DLGAP2: variants seen among roughly 807,000 people sequenced by gnomAD.
The protein encoded by DLGAP2 is disks large-associated protein 2.
A neutral mutation model predicts 100.3 loss-of-function variants in DLGAP2; 26 were observed. The observed-to-expected ratio is 0.26, with a 90% CI of 0.19 to 0.36. The LOEUF (loss-of-function observed/expected upper bound fraction) is 0.36. Among genes scored for constraint, DLGAP2 ranks in the 10% least tolerant of loss-of-function variants. The pLI is 1.00. For synonymous variants in DLGAP2, 886 were observed against 630.1 expected (o/e 1.41, Z -6.08); for missense variants, 1,858 against 1,453.2 (o/e 1.28, Z -4.53).
At chr8:767,348 GTTT>G (rs35944301) in intron 1 of DLGAP2, among the ~76,000 whole-genome samples, 2 of 117,930 alleles carry the variant, frequency 1.7e-5, no homozygotes, top group East Asian at 2.4e-4. Flanking sequence ...GCTGTTGACT[GTTT>G]TTTTTTTTTT....
At position 1,312,276 on chromosome 8, in the gene DLGAP2, C is replaced by G. The variant is rs556989648; in HGVS notation, c.106+53393C>G. ...AGAGGGAACCCAGGTGACTTTGAGT[C>G]TGGTGATGAGTTTTTAGAGACCGCA... On this transcript the variant is annotated intron_variant, in intron 3 of 14. Coordinates refer to ENST00000637795, the MANE Select transcript of DLGAP2 (RefSeq NM_001346810.2). 1.8e-4 allele frequency among the ~76,000 whole-genome samples: 27 copies of G among 152,298 alleles called. 1 individual carries two copies. Among genetic ancestry groups the G allele is most frequent in the African/African-American group, 6.3e-4 (26 of 41,564 alleles).
chr8:1,373,462 A>T (rs1004311311), intron 3 of DLGAP2, among the ~76,000 whole-genome samples: 4 of 152,060 alleles, frequency 2.6e-5, no homozygotes, highest in Non-Finnish European at 5.9e-5. Context: ...GTCGGCCGAG[A>T]CCCGAATCCG....
At chr8:1,614,963 C>T (rs1797103276) in intron 6 of DLGAP2, among the ~76,000 whole-genome samples, 1 of 152,214 alleles carries the variant, frequency 6.6e-6, no homozygotes, top group African/African-American at 2.4e-5. Context: ...CTCGCGGCTG[C>T]CCATGGTCCT....
At chr8:1,564,784 C>T (rs1368697648) in intron 5 of DLGAP2, among the ~76,000 whole-genome samples, 1 of 152,100 alleles carries the variant, frequency 6.6e-6, no homozygotes, top group Non-Finnish European at 1.5e-5. Context: ...ACCAGGCAGA[C>T]ATATAACAAG....
At chr8:1,485,313 T>A (rs1316448725) in intron 3 of DLGAP2, among the ~76,000 whole-genome samples, 1 of 152,340 alleles carries the variant, frequency 6.6e-6, no homozygotes, top group Non-Finnish European at 1.5e-5. Flanking sequence ...TTTTTTCATA[T>A]CATTTTTCCA....
chr8:1,195,010 G>C (rs12544638), intron 2 of DLGAP2, among the ~76,000 whole-genome samples: 1 of 152,136 alleles, frequency 6.6e-6, no homozygotes, highest in Admixed American at 6.5e-5. Flanking sequence ...CTCGTGCCCT[G>C]CTCTCCTGAG....
intron 1 of DLGAP2, among the ~76,000 whole-genome samples, chr8:901,758 C>T (rs541440431): frequency 6.6e-6 from 1 of 152,210 alleles, no homozygotes; most frequent in Admixed American, 6.5e-5. Context: ...GCTGTGGCAG[C>T]GTCGTTCTCC....
intron 3 of DLGAP2, among the ~76,000 whole-genome samples, chr8:1,330,221 A>C (rs1055809670): frequency 2.7e-5 from 4 of 150,136 alleles, no homozygotes; most frequent in Admixed American, 1.3e-4. Flanking sequence ...GCACTACTTC[A>C]CAGGGACTGA....
At chr8:1,098,674 C>T (rs1804476570) in intron 2 of DLGAP2, among the ~76,000 whole-genome samples, 1 of 129,362 alleles carries the variant, frequency 7.7e-6, no homozygotes, top group African/African-American at 3.0e-5. Context: ...GCCAGGCTCC[C>T]GGCCGCCCAC....
chr8:1,435,436 T>A (rs1275877351), intron 3 of DLGAP2, among the ~76,000 whole-genome samples: 2 of 152,040 alleles, frequency 1.3e-5, no homozygotes, highest in Non-Finnish European at 2.9e-5. Flanking sequence ...ACTCCTACTG[T>A]CCAGTGACCT....
chr8:816,197 A>G lies in DLGAP2; in HGVS notation c.18+78372A>G, dbSNP rs577164599. 2.0e-5 allele frequency among the ~76,000 whole-genome samples: 3 copies of G among 151,482 alleles called. No individual in the cohort carries two copies. The South Asian group carries it at 6.3e-4, about 32-fold the overall frequency. On this transcript the variant is annotated intron_variant, in intron 1 of 14. Transcript: ENST00000637795. ...GTATCTTTTAAGTGGAACATTTAGT[A>G]CATTTACATTCAATGTTAGTATTGA... is the stretch of plus-strand genomic sequence containing the variant.
chr8:1,550,562 C>A (rs1466488708), intron 5 of DLGAP2, among the ~76,000 whole-genome samples: 1 of 152,138 alleles, frequency 6.6e-6, no homozygotes, highest in African/African-American at 2.4e-5. Flanking sequence ...TGAGTTCACT[C>A]CCTGCACCTG....
chr8:1,128,259 G>GGTCAGGACCTGCTCCCGGTGTTGTGTTCC (rs1563206045), intron 2 of DLGAP2, among the ~76,000 whole-genome samples: 258 of 147,940 alleles, frequency 1.7e-3, no homozygotes, highest in African/African-American at 6.3e-3. Flanking sequence ...TGTTGTGTTC[G>GGTCAGGACCTGCTCCCGGTGTTGTGTTCC]GTGAGGACCT....
Position 1,312,820 on chromosome 8 carries a change from A to G in DLGAP2, c.106+53937A>G, listed in dbSNP as rs571176176. ...AGCTGCTTCTTGCAGCAGGGTTTGT[A>G]GGAATGAAAGATGGAAAATGAACGC... On this transcript the variant is annotated intron_variant, in intron 3 of 14. Coordinates refer to ENST00000637795, the MANE Select transcript of DLGAP2 (RefSeq NM_001346810.2). 7.2e-5 allele frequency among the ~76,000 whole-genome samples: 11 copies of G among 152,340 alleles called. No homozygotes were observed. In the East Asian group the frequency reaches 1.9e-3, roughly 27 times the overall value.
intron 2 of DLGAP2, among the ~76,000 whole-genome samples, chr8:930,702 C>T (rs902379540): frequency 6.6e-6 from 1 of 152,132 alleles, no homozygotes; most frequent in Non-Finnish European, 1.5e-5. Flanking sequence ...GATTGGGAGC[C>T]TCATGGAGAC....
chr8:1,372,460 C>T (rs1802265052), intron 3 of DLGAP2, among the ~76,000 whole-genome samples: 1 of 152,196 alleles, frequency 6.6e-6, no homozygotes, highest in African/African-American at 2.4e-5. Context: ...CGAGTCCCCT[C>T]CACAGCAGGG....
At chr8:1,254,006 G>A (rs1169956908) in intron 2 of DLGAP2, among the ~76,000 whole-genome samples, 1 of 152,234 alleles carries the variant, frequency 6.6e-6, no homozygotes, top group Non-Finnish European at 1.5e-5. Context: ...TTGGACGAGA[G>A]GTGCGGAACC....
At chr8:1,465,269 TC>T (rs1798593412) in intron 3 of DLGAP2, among the ~76,000 whole-genome samples, 1 of 152,158 alleles carries the variant, frequency 6.6e-6, no homozygotes, top group African/African-American at 2.4e-5. Flanking sequence ...CTCCCGAAAC[TC>T]TGGGAAGCAC....
chr8:1,645,099 A>G lies in DLGAP2; in HGVS notation c.1810+12053A>G, dbSNP rs1200460995. ...GACAGCAAGACCATGTCTCTAATGA[A>G]TGAATCAAATGAATGAATCAAATGA... On this transcript the variant is annotated intron_variant, in intron 8 of 14. Coordinates refer to ENST00000637795, the MANE Select transcript of DLGAP2 (RefSeq NM_001346810.2). 3.3e-5 allele frequency among the ~76,000 whole-genome samples: 5 copies of G among 152,246 alleles called. No individual in the cohort carries two copies. The East Asian group carries it at 9.7e-4, about 29-fold the overall frequency.
Sources: allele counts gnomAD v4.1 joint callset (sites outside exome capture counted in the v4.1 genomes callset), GRCh38; gene constraint gnomAD v4.1.1; transcripts MANE v1.5; gene names NCBI Gene and HGNC (gene_info 2026-07-23, HGNC 2026-07-21).